Variants in SCD observed in about 807,000 individuals in gnomAD.
SCD encodes the protein acyl-CoA desaturase.
A neutral mutation model predicts 35.7 loss-of-function variants in SCD; 4 were observed. That is an observed-to-expected ratio of 0.11 (90% confidence interval 0.06 to 0.26). The LOEUF (loss-of-function observed/expected upper bound fraction) is 0.26. Among genes scored for constraint, SCD ranks in the 10% least tolerant of loss-of-function variants. SCD has a pLI of 1.00. For synonymous variants in SCD, 150 were observed against 170.2 expected, an observed-to-expected ratio of 0.88 and a Z score of 0.92; for missense variants, 282 against 460.7, an observed-to-expected ratio of 0.61 and a Z score of 3.55.
intron 4 of SCD, 57 bp downstream of exon 4, chr10:100,354,689 C>A: frequency 7.4e-7 from 1 of 1,360,480 alleles, no homozygotes; most frequent in Non-Finnish European, 1.0e-6. Context: ...TCATTAGGGA[C>A]CCCATTTTTT....
At chr10:100,348,924 A>C (rs1849840909) in intron 2 of SCD, among the ~76,000 whole-genome samples, 1 of 152,218 alleles carries the variant, frequency 6.6e-6, no homozygotes, top group Non-Finnish European at 1.5e-5. Flanking sequence ...GCTCCCGTGC[A>C]ACCCAAGTCA....
chr10:100,358,680 G>C (rs979848929), intron 5 of SCD, among the ~76,000 whole-genome samples: 2 of 151,046 alleles, frequency 1.3e-5, no homozygotes, highest in Admixed American at 6.6e-5. Flanking sequence ...AAGCCAAAGT[G>C]GGTGGTTCAC....
chr10:100,357,135 G>A (rs995516802), intron 5 of SCD, among the ~76,000 whole-genome samples: 12 of 152,322 alleles, frequency 7.9e-5, no homozygotes, highest in African/African-American at 2.9e-4. Context: ...CCAACACGGT[G>A]AAACCCTGTT....
chr10:100,355,201 G>A (rs544344486), intron 4 of SCD, among the ~76,000 whole-genome samples: 4 of 152,324 alleles, frequency 2.6e-5, no homozygotes, highest in African/African-American at 7.2e-5. Flanking sequence ...GATAAGCCAA[G>A]TATCCAGATA....
chr10:100,364,244 A>T lies in SCD; in HGVS notation c.*3311A>T, dbSNP rs969181373. 1 of 152,060 alleles carries T rather than the reference A, an allele frequency of 6.6e-6. No individual in the cohort carries two copies. The highest frequency in any genetic ancestry group is 2.4e-5 in the African/African-American group (1 of 41,364). The allele number at this position is 152,060 out of a possible 1,614,324, so 9.4% of individuals were successfully genotyped here. ...CTCAAATAGGTCATCATGAAAGGTTAAAAAAGCGAGGTGGCCATGTTATGC... is the reference window on the plus strand; with the variant it reads ...CTCAAATAGGTCATCATGAAAGGTTTAAAAAGCGAGGTGGCCATGTTATGC... On this transcript the variant is annotated 3_prime_UTR_variant, in exon 6 of 6. Transcript: ENST00000370355.
At chr10:100,353,039 T>C (rs1849887949) in intron 3 of SCD, among the ~76,000 whole-genome samples, 2 of 152,164 alleles carry the variant, frequency 1.3e-5, no homozygotes, top group South Asian at 2.1e-4. Flanking sequence ...GGGATTGAAG[T>C]TGATGTTCCC....
intron 5 of SCD, among the ~76,000 whole-genome samples, chr10:100,360,431 T>G (rs1298880808): frequency 2.6e-5 from 4 of 152,214 alleles, no homozygotes; most frequent in South Asian, 4.1e-4. Flanking sequence ...CAATCACTCC[T>G]TAAGATGCCT....
rs1373758835 is a variant in SCD, at chr10:100,352,315, C to T, written c.311-51C>T. ...AGAGAGTGTCTCTGGCATCCTTTCC[C>T]AGATGGAACTCACACTGATTGGTGA... On this transcript the variant is annotated intron_variant, in intron 2 of 5. Transcript: ENST00000370355. This position sits in a 1 kb window ranked among gnomAD's most constrained non-coding sequence, Gnocchi z 4.2. The T allele has an allele frequency of 6.3e-7, 1 of 1,587,960 alleles. No individual in the cohort carries two copies. The highest frequency in any genetic ancestry group is 8.6e-7 in the Non-Finnish European group (1 of 1,163,794).
chr10:100,348,147 G>A lies in SCD; in HGVS notation c.111G>A (p.Thr37=), dbSNP rs1028627543. ...AGAATGGAGGAGATAAGTTGGAGAC[G>A]ATGCCCCTCTACTTGGAAGACGACA... ...VLQNGGDKLE[T]MPLYLEDDIR... Residue 37 remains threonine (T), a synonymous_variant, in exon 2 of 6, where the codon ACG becomes ACA. Transcript: ENST00000370355. The A allele has an allele frequency of 6.8e-6, 11 of 1,613,686 alleles. No homozygotes were observed. The Admixed American group carries it at 1.0e-4, about 15-fold the overall frequency.
intron 5 of SCD, among the ~76,000 whole-genome samples, chr10:100,357,548 T>C (rs1409752909): frequency 1.3e-5 from 2 of 152,206 alleles, no homozygotes; most frequent in Non-Finnish European, 2.9e-5. Context: ...TCCCCCAACA[T>C]GCCTTCAGGA....
chr10:100,347,956 G>A, intron 1 of SCD, 108 bp from the exon 2 acceptor site: 1 of 1,120,988 alleles, frequency 8.9e-7, no homozygotes, highest in Non-Finnish European at 1.3e-6. Flanking sequence ...CGGCGCTGCG[G>A]AAGGGTCCGT....
In SCD at chr10:100,361,655, T is replaced by C. The variant is rs1649617502; in HGVS notation, c.*722T>C. On this transcript the variant is annotated 3_prime_UTR_variant, in exon 6 of 6. Transcript: ENST00000370355. The stretch of plus-strand genomic sequence containing the variant: ...TGGCTGCGGTGTTTGGCAATGCTAA[T>C]TCAATGCCGCAACATATAGTTGAGG... 6.6e-6 allele frequency: 1 copy of C among 152,272 alleles called. No homozygotes were observed. Among genetic ancestry groups the C allele is most frequent in the African/African-American group, 2.4e-5 (1 of 41,470 alleles). The allele number at this position is 152,272 out of a possible 1,614,324, so 9.4% of individuals were successfully genotyped here.
In SCD at chr10:100,352,782, T is replaced by C. The variant is rs1849885497; in HGVS notation, c.441+286T>C. On this transcript the variant is annotated intron_variant, in intron 3 of 5. Coordinates refer to ENST00000370355, the MANE Select transcript of SCD (RefSeq NM_005063.5). This position sits in a 1 kb window ranked among gnomAD's most constrained non-coding sequence, Gnocchi z 4.2. Reference sequence around the variant, plus strand: ...TGTCACACAATCTGGCCGTTGTGGCTCTTCATCATAAGGGGCTTTGGCACA... The same window carrying C: ...TGTCACACAATCTGGCCGTTGTGGCCCTTCATCATAAGGGGCTTTGGCACA... 6.6e-6 allele frequency among the ~76,000 whole-genome samples: 1 copy of C among 152,234 alleles called. No individual in the cohort carries two copies. Among genetic ancestry groups the C allele is most frequent in the Non-Finnish European group, 1.5e-5 (1 of 68,044 alleles).
intron 4 of SCD, among the ~76,000 whole-genome samples, chr10:100,354,988 T>C (rs1173559979): frequency 1.3e-5 from 2 of 152,184 alleles, no homozygotes; most frequent in African/African-American, 4.8e-5. Flanking sequence ...TGGAGTGCAG[T>C]GGCACAATCA....
In SCD at chr10:100,352,263, G is replaced by A; in HGVS notation, c.311-103G>A. On this transcript the variant is annotated intron_variant, in intron 2 of 5. Coordinates refer to ENST00000370355, the MANE Select transcript of SCD (RefSeq NM_005063.5). The surrounding 1 kb of genome is among the most constrained non-coding windows in gnomAD (Gnocchi z 4.2). ...ATGGTAAAGCCAGTTCTCACCCAAA[G>A]CCTGACGAAGACAGTTTCTAGCATC... 2.5e-6 allele frequency: 3 copies of A among 1,213,724 alleles called. No individual in the cohort carries two copies. Among genetic ancestry groups the A allele is most frequent in the African/African-American group, 1.5e-5 (1 of 66,668 alleles). 75.2% of individuals were successfully genotyped at this position (1,213,724 alleles called of 1,614,324 possible).
At position 100,347,359 on chromosome 10, in the gene SCD, G is replaced by A; in HGVS notation, c.-146G>A. 1.1e-6 allele frequency: 1 copy of A among 878,962 alleles called. No individual in the cohort carries two copies. Among genetic ancestry groups the A allele is most frequent in the African/African-American group, 1.6e-5 (1 of 60,842 alleles). The allele number at this position is 878,962 out of a possible 1,614,324, so 54.4% of individuals were successfully genotyped here. On this transcript the variant is annotated 5_prime_UTR_variant, in exon 1 of 6. Coordinates refer to ENST00000370355, the MANE Select transcript of SCD (RefSeq NM_005063.5). Reference sequence around the variant, plus strand: ...CGGCTCGGGGACCTCCACGCACCGCGGCTAGCGCCGACAACCAGCTAGCGT... The same window carrying A: ...CGGCTCGGGGACCTCCACGCACCGCAGCTAGCGCCGACAACCAGCTAGCGT...
Position 100,347,455 on chromosome 10 carries a change from C to T in SCD, c.-50C>T, listed in dbSNP as rs766570418. 3.4e-5 allele frequency: 54 copies of T among 1,607,092 alleles called. No individual in the cohort carries two copies. Among genetic ancestry groups the T allele is most frequent in the Non-Finnish European group, 5.1e-6 (6 of 1,176,670 alleles). The stretch of plus-strand genomic sequence containing the variant: ...AGTCCTCCGGCGACCCCGAACTCCG[C>T]TCCGGAGCCTCAGCCCCCTGGAAAG... On this transcript the variant is annotated 5_prime_UTR_variant, in exon 1 of 6. Transcript: ENST00000370355.
At chr10:100,355,712 A>T (rs1849920669) in intron 4 of SCD, among the ~76,000 whole-genome samples, 1 of 152,180 alleles carries the variant, frequency 6.6e-6, no homozygotes, top group Non-Finnish European at 1.5e-5. Context: ...GGGTGCAGGG[A>T]ATGTCAGTGA....
Position 100,354,423 on chromosome 10 carries a change from C to T in SCD, c.442-4C>T. Reference sequence around the variant, plus strand: ...CCTTACATTCCTCTTCTCTCTCTCCCCAGAATGATGTCTATGAATGGGCTC... The same window carrying T: ...CCTTACATTCCTCTTCTCTCTCTCCTCAGAATGATGTCTATGAATGGGCTC... On this transcript the variant is annotated splice_polypyrimidine_tract_variant and splice_region_variant and intron_variant, in intron 3 of 5. Transcript: ENST00000370355. 6.2e-7 allele frequency: 1 copy of T among 1,612,750 alleles called. No homozygotes were observed. The highest frequency in any genetic ancestry group is 1.7e-5 in the Admixed American group (1 of 60,016).
Sources: allele counts gnomAD v4.1 joint callset (sites outside exome capture counted in the v4.1 genomes callset), GRCh38; gene constraint gnomAD v4.1.1; non-coding constraint Gnocchi (gnomAD v3.1); transcripts MANE v1.5; gene names NCBI Gene and HGNC (gene_info 2026-07-23, HGNC 2026-07-21).